CSNK1D: variants seen among roughly 807,000 people sequenced by gnomAD.
CSNK1D encodes the protein casein kinase I isoform delta.
CSNK1D carries 16 observed loss-of-function variants against 46.6 expected under a neutral mutation model. That is an observed-to-expected ratio of 0.34 (90% CI 0.23 to 0.52). CSNK1D has a LOEUF of 0.52. CSNK1D is among the 20% of genes least tolerant of loss of function. The probability of loss-of-function intolerance (pLI) is 0.95; values close to 1 mark genes in which losing one functional copy is unlikely to be tolerated. For missense variants in CSNK1D, 398 were observed against 578.4 expected (o/e 0.69, Z 3.20); for synonymous variants, 276 against 228.2 (o/e 1.21, Z -1.89).
chr17:82,246,000 C>T (rs202032698), intron 8 of CSNK1D: 22 of 1,609,486 alleles, frequency 1.4e-5, no homozygotes, highest in South Asian at 3.3e-5. Flanking sequence ...CGATGGGAGA[C>T]GAGCAGCTAC....
intron 1 of CSNK1D, among the ~76,000 whole-genome samples, chr17:82,272,833 C>A (rs919838207): frequency 6.6e-6 from 1 of 152,178 alleles, no homozygotes; most frequent in African/African-American, 2.4e-5. Flanking sequence ...CTGCGGTGAC[C>A]TTAGGCGTAG....
At chr17:82,271,531 G>T (rs1176306013) in intron 1 of CSNK1D, among the ~76,000 whole-genome samples, 1 of 152,156 alleles carries the variant, frequency 6.6e-6, no homozygotes, top group Non-Finnish European at 1.5e-5. Flanking sequence ...ACACTGCCAA[G>T]AACACATCCA....
chr17:82,257,900 C>T (rs1414156392), intron 2 of CSNK1D, among the ~76,000 whole-genome samples: 4 of 152,168 alleles, frequency 2.6e-5, no homozygotes, highest in African/African-American at 4.8e-5. Context: ...CTACAGATTT[C>T]GACTGTATTC....
In CSNK1D at chr17:82,249,419, G is replaced by T. The variant is rs372470700; in HGVS notation, c.1057+12C>A. ...AGAGCCAGCCCCAGAGCGCTGGGAG[G>T]GGGGCACTCACCCGTGTGTGAGGTA... On this transcript the variant is annotated intron_variant, in intron 7 of 8. Coordinates refer to ENST00000314028, the MANE Select transcript of CSNK1D (RefSeq NM_001893.6). The surrounding 1 kb of genome is among the most constrained non-coding windows in gnomAD (Gnocchi z 6.7). 3 of 1,534,026 alleles carry T rather than the reference G, an allele frequency of 2.0e-6. No individual in the cohort carries two copies. The highest frequency in any genetic ancestry group is 2.6e-6 in the Non-Finnish European group (3 of 1,144,692).
intron 3 of CSNK1D, chr17:82,254,456 C>T (rs1270810857): frequency 1.0e-4 from 28 of 269,384 alleles, no homozygotes; most frequent in South Asian, 5.2e-4. Flanking sequence ...GCTGAGCCGC[C>T]GGAGCCTGGA....
rs557477296 is a variant in CSNK1D, at chr17:82,243,151, G to A, written c.*1630C>T. On this transcript the variant is annotated 3_prime_UTR_variant, in exon 9 of 9. Coordinates refer to ENST00000314028, the MANE Select transcript of CSNK1D (RefSeq NM_001893.6). ...TACACAGTAACCAGCCTAGGATTGA[G>A]AAAGCATCCATGGGCTCAGGCAGAC... is the stretch of plus-strand genomic sequence containing the variant. 1.5e-5 allele frequency: 15 copies of A among 985,446 alleles called. No individual in the cohort carries two copies. The highest frequency in any genetic ancestry group is 1.6e-5 in the Non-Finnish European group (13 of 830,026). The allele number at this position is 985,446 out of a possible 1,614,324, so 61.0% of individuals were successfully genotyped here. A position where few individuals can be genotyped will look rare whatever the true frequency, so the allele number is the denominator to read the frequency against.
chr17:82,271,434 G>T (rs549757272), intron 1 of CSNK1D, among the ~76,000 whole-genome samples: 31 of 152,248 alleles, frequency 2.0e-4, no homozygotes, highest in African/African-American at 7.0e-4. Context: ...GTGTAACTCA[G>T]ATCCTGGGGT....
chr17:82,269,109 A>AG (rs1172963232), intron 1 of CSNK1D, among the ~76,000 whole-genome samples: 1 of 151,484 alleles, frequency 6.6e-6, no homozygotes, highest in East Asian at 1.9e-4. Flanking sequence ...AAAAAAAAAA[A>AG]AAAAAAAAAA....
intron 2 of CSNK1D, among the ~76,000 whole-genome samples, chr17:82,257,918 G>A (rs908601052): frequency 2.0e-5 from 3 of 152,092 alleles, no homozygotes; most frequent in Admixed American, 6.6e-5. Flanking sequence ...TTCCACCGTC[G>A]AAAAGTTTTT....
intron 2 of CSNK1D, among the ~76,000 whole-genome samples, chr17:82,262,208 C>T (rs1210475809): frequency 6.6e-6 from 1 of 152,244 alleles, no homozygotes; most frequent in Non-Finnish European, 1.5e-5. Context: ...GGGGCACATT[C>T]CTGACAGCTG....
chr17:82,243,459 A>C lies in CSNK1D; in HGVS notation c.*1322T>G, dbSNP rs1238555622. The C allele has an allele frequency of 1.0e-6, 1 of 985,410 alleles. No homozygotes were observed. The highest frequency in any genetic ancestry group is 1.2e-6 in the Non-Finnish European group (1 of 829,984). The allele number at this position is 985,410 out of a possible 1,614,324, so 61.0% of individuals were successfully genotyped here. ...CCTGGGAACCTCAGGGCACAGCAGC[A>C]TGGAGCCTGGGGCAGCACCAGCTCA... On this transcript the variant is annotated 3_prime_UTR_variant, in exon 9 of 9. Coordinates refer to ENST00000314028, the MANE Select transcript of CSNK1D (RefSeq NM_001893.6).
Position 82,243,627 on chromosome 17 carries a change from C to G in CSNK1D, c.*1154G>C. On this transcript the variant is annotated 3_prime_UTR_variant, in exon 9 of 9. Coordinates refer to ENST00000314028, the MANE Select transcript of CSNK1D (RefSeq NM_001893.6). ...TTCTGGGTCCGGTTGGGAGAGTCAC[C>G]TGCTCCTTGGCACCTCAGGGTGGGT... 1 of 985,524 alleles carries G rather than the reference C, an allele frequency of 1.0e-6. No individual in the cohort carries two copies. Among genetic ancestry groups the G allele is most frequent in the Non-Finnish European group, 1.2e-6 (1 of 829,960 alleles). The allele number at this position is 985,524 out of a possible 1,614,324, so 61.0% of individuals were successfully genotyped here.
rs183793396 is a variant in CSNK1D at position 82,270,895 on chromosome 17, T to C, written c.76+2411A>G. 3.3e-3 allele frequency among the ~76,000 whole-genome samples: 506 copies of C among 152,300 alleles called. 9 individuals carry two copies. The highest frequency in any genetic ancestry group is 4.3e-3 in the Non-Finnish European group (293 of 68,010). On this transcript the variant is annotated intron_variant, in intron 1 of 8. Transcript: ENST00000314028. ...CGCAATCCCGTATCCAGCATGACTG[T>C]ATGCCCAGCGCGAGGTGAGGCCTGG...
At position 82,249,074 on chromosome 17, in the gene CSNK1D, T is replaced by C; in HGVS notation, c.1058-60A>G. On this transcript the variant is annotated intron_variant, in intron 7 of 8. Transcript: ENST00000314028. The surrounding 1 kb of genome is among the most constrained non-coding windows in gnomAD (Gnocchi z 6.7). ...CCGTCTGCTGCCTCTCACTCGGGGC[T>C]TTCTATGAGAGGCTGTGGCCAGAGA... The C allele has an allele frequency of 6.5e-7, 1 of 1,532,546 alleles. No homozygotes were observed. The highest frequency in any genetic ancestry group is 8.8e-7 in the Non-Finnish European group (1 of 1,135,826). 94.9% of individuals were successfully genotyped at this position (1,532,546 alleles called of 1,614,324 possible). A position where few individuals can be genotyped will look rare whatever the true frequency, so the allele number is the denominator to read the frequency against.
rs553472007 is a variant in CSNK1D at position 82,250,957 on chromosome 17, A to G, written c.885+422T>C. On this transcript the variant is annotated intron_variant, in intron 6 of 8. Coordinates refer to ENST00000314028, the MANE Select transcript of CSNK1D (RefSeq NM_001893.6). The surrounding 1 kb of genome is among the most constrained non-coding windows in gnomAD (Gnocchi z 4.6). ...GCCACAGGGAAAATCAGCTCATGAC[A>G]GGGTCAGTCAGGCTAGACGGGTAGC... The G allele has an allele frequency of 1.2e-3, 339 of 280,130 alleles. 4 individuals are homozygous for G. The highest frequency in any genetic ancestry group is 5.5e-3 in the South Asian group (156 of 28,562). The allele number at this position is 280,130 out of a possible 1,614,324, so 17.4% of individuals were successfully genotyped here.
rs115474993 is a variant in CSNK1D, at chr17:82,268,672, T to C, written c.77-2876A>G. 3.9e-3 allele frequency among the ~76,000 whole-genome samples: 596 copies of C among 152,270 alleles called. 2 individuals are homozygous for C. The highest frequency in any genetic ancestry group is 0.028 in the South Asian group (136 of 4,824). ...AAAGACATTCTGTCAACAAAACAAA[T>C]TCAACTCTTCCCTGCAGCTCAACAA... On this transcript the variant is annotated intron_variant, in intron 1 of 8. Coordinates refer to ENST00000314028, the MANE Select transcript of CSNK1D (RefSeq NM_001893.6).
rs779918107 is a variant in CSNK1D at position 82,273,273 on chromosome 17, T to A, written c.76+33A>T. On this transcript the variant is annotated intron_variant, in intron 1 of 8. Coordinates refer to ENST00000314028, the MANE Select transcript of CSNK1D (RefSeq NM_001893.6). The surrounding 1 kb of genome is among the most constrained non-coding windows in gnomAD (Gnocchi z 5.1). Reference sequence around the variant, plus strand: ...TCTTGGCAGCCGCAGGGCCCGGGTCTTCGGGCGGCGGGCGGGGGCGGCGGG... The same window carrying A: ...TCTTGGCAGCCGCAGGGCCCGGGTCATCGGGCGGCGGGCGGGGGCGGCGGG... The A allele has an allele frequency of 7.0e-6, 11 of 1,571,276 alleles. 1 individual carries two copies. The highest frequency in any genetic ancestry group is 9.4e-6 in the Non-Finnish European group (11 of 1,168,232).
chr17:82,251,068 C>A lies in CSNK1D; in HGVS notation c.885+311G>T, dbSNP rs1012927610. 9 of 411,504 alleles carry A rather than the reference C, an allele frequency of 2.2e-5. No individual in the cohort carries two copies. The highest frequency in any genetic ancestry group is 4.1e-5 in the Non-Finnish European group (9 of 218,258). The allele number at this position is 411,504 out of a possible 1,614,324, so 25.5% of individuals were successfully genotyped here. A position where few individuals can be genotyped will look rare whatever the true frequency, so the allele number is the denominator to read the frequency against. ...TGGGAATGCGCACCCCCAGCCCCCACCCTCTGCCCCCAGGGCATGCTCTGG... is the reference window on the plus strand; with the variant it reads ...TGGGAATGCGCACCCCCAGCCCCCAACCTCTGCCCCCAGGGCATGCTCTGG... On this transcript the variant is annotated intron_variant, in intron 6 of 8. Transcript: ENST00000314028. The surrounding 1 kb of genome is among the most constrained non-coding windows in gnomAD (Gnocchi z 4.5).
rs1480238807 is a variant in CSNK1D at position 82,249,309 on chromosome 17, G to A, written c.1057+122C>T. Reference sequence around the variant, plus strand: ...GCCTGGCTCATCCACCCTCAGGAGCGAGCATCGCCTGACACAGGGCACTTA... The same window carrying A: ...GCCTGGCTCATCCACCCTCAGGAGCAAGCATCGCCTGACACAGGGCACTTA... On this transcript the variant is annotated intron_variant, in intron 7 of 8. Transcript: ENST00000314028. This position sits in a 1 kb window ranked among gnomAD's most constrained non-coding sequence, Gnocchi z 6.7. The A allele has an allele frequency of 7.3e-6, 8 of 1,089,660 alleles. No individual in the cohort carries two copies. In the East Asian group the frequency reaches 7.7e-5, roughly 10 times the overall value. 67.5% of individuals were successfully genotyped at this position (1,089,660 alleles called of 1,614,324 possible).
Sources: gnomAD v4.1 joint callset for allele counts (sites outside exome capture counted in the v4.1 genomes callset) on GRCh38, gnomAD v4.1.1 for gene constraint, Gnocchi (gnomAD v3.1) non-coding constraint, MANE v1.5 for transcripts, NCBI Gene and HGNC (gene_info 2026-07-23, HGNC 2026-07-21) for gene names.